ABCB11: variants seen among roughly 807,000 people sequenced by gnomAD.
The protein encoded by ABCB11 is bile salt export pump.
In ABCB11, 95 loss-of-function variants were observed where a neutral mutation model predicts 148.0. The observed-to-expected ratio is 0.64, with a 90% confidence interval of 0.54 to 0.76. The LOEUF (loss-of-function observed/expected upper bound fraction) is 0.76. Among genes scored for constraint, ABCB11 ranks in the 30% least tolerant of loss-of-function variants. The pLI is 0.00. For synonymous variants in ABCB11, 591 were observed against 555.4 expected (o/e 1.06, Z -0.90); for missense variants, 1,523 against 1,617.8 (o/e 0.94, Z 1.01).
At position 168,972,014 on chromosome 2, in the gene ABCB11, T is replaced by C; in HGVS notation, c.1471A>G (p.Ile491Val). The C allele has an allele frequency of 6.2e-7, 1 of 1,612,860 alleles. No homozygotes were observed. Among genetic ancestry groups the C allele is most frequent in the Non-Finnish European group, 8.5e-7 (1 of 1,179,314 alleles). The change falls in exon 14 of 28, where the codon ATT becomes GTT. Residue 491 changes from isoleucine to valine, a missense_variant. Transcript: ENST00000650372. ...CCAATCTGATCTCTAAGCCACTGAA[T>C]GTTAAGAGAGCGAATGTCATGGCCA... ...VDGHDIRSLN[I>V]QWLRDQIGIV... is the part of the protein sequence containing the mutation.
chr2:168,977,692 G>T (rs1464609116), intron 11 of ABCB11, among the ~76,000 whole-genome samples: 1 of 152,156 alleles, frequency 6.6e-6, no homozygotes, highest in Non-Finnish European at 1.5e-5. Context: ...CCAAATGGCT[G>T]GGGAGGCCTC....
chr2:169,029,563 A>G (rs1695799200), intron 1 of ABCB11, among the ~76,000 whole-genome samples: 1 of 152,096 alleles, frequency 6.6e-6, no homozygotes, highest in African/African-American at 2.4e-5. Context: ...CTGATAGGGA[A>G]GGGAAATAAA....
chr2:168,986,413 G>A (rs999924057), intron 9 of ABCB11, 129 bp from the exon 10 acceptor site: 8 of 786,568 alleles, frequency 1.0e-5, no homozygotes, highest in Non-Finnish European at 1.6e-5. Context: ...CAGCTTCAGG[G>A]AGAAAAATCT....
intron 10 of ABCB11, among the ~76,000 whole-genome samples, chr2:168,982,464 G>T (rs1460459117): frequency 1.3e-5 from 2 of 152,050 alleles, no homozygotes; most frequent in Admixed American, 1.3e-4. Flanking sequence ...TTTTATTAAT[G>T]AATTCTGAAA....
intron 1 of ABCB11, among the ~76,000 whole-genome samples, chr2:169,024,788 A>C (rs1695644091): frequency 6.6e-6 from 1 of 152,118 alleles, no homozygotes; most frequent in African/African-American, 2.4e-5. Flanking sequence ...TGACCTTGGC[A>C]GTTTTGAGGA....
rs1397690330 is a variant in ABCB11 at position 168,921,174 on chromosome 2, C to T, written c.*2448G>A. 6.6e-6 allele frequency among the ~76,000 whole-genome samples: 1 copy of T among 152,172 alleles called. No individual in the cohort carries two copies. The highest frequency in any genetic ancestry group is 1.5e-5 in the Non-Finnish European group (1 of 68,034). ...CATTTTTCATAACCAGAATGCATTC[C>T]TTCACCGTCTGCCTCCTGACTTGGC... On this transcript the variant is annotated 3_prime_UTR_variant, in exon 28 of 28. Coordinates refer to ENST00000650372, the MANE Select transcript of ABCB11 (RefSeq NM_003742.4).
Position 168,976,584 on chromosome 2 carries a change from T to G in ABCB11, c.1301A>C (p.Glu434Ala). 6.3e-7 allele frequency: 1 copy of G among 1,581,112 alleles called. No individual in the cohort carries two copies. The highest frequency in any genetic ancestry group is 8.7e-7 in the Non-Finnish European group (1 of 1,153,806). ...NVTFHYPSRP[E>A]VKILNDLNMV... ...GAACAGACCAGCACTCACCTTCACC[T>G]CTGGTCTGGAAGGATAATGGAAGGT... The change falls in exon 12 of 28, where the codon GAG becomes GCG. Residue 434 changes from glutamate to alanine, a missense_variant. By Grantham distance (107) the Glu-to-Ala change is moderately radical. Transcript: ENST00000650372.
intron 2 of ABCB11, among the ~76,000 whole-genome samples, chr2:169,017,619 C>A (rs188222151): frequency 8.6e-5 from 13 of 151,998 alleles, no homozygotes; most frequent in Admixed American, 4.6e-4. Flanking sequence ...AGCTTAGAAC[C>A]ATCTGAGCCC....
downstream of ABCB11, among the ~76,000 whole-genome samples, chr2:168,918,704 G>A (rs932478765): frequency 3.9e-5 from 6 of 152,126 alleles, no homozygotes; most frequent in Admixed American, 3.3e-4. Context: ...TTATAGATTT[G>A]AGATTTTTTC....
intron 5 of ABCB11, among the ~76,000 whole-genome samples, chr2:169,003,323 C>CGTGCGTGTGTGT (rs1694930226): frequency 7.1e-6 from 1 of 141,652 alleles, no homozygotes; most frequent in African/African-American, 2.6e-5. Context: ...TTCCATGGTG[C>CGTGCGTGTGTGT]GTGTGTGTGT....
At position 168,935,365 on chromosome 2, in the gene ABCB11, A is replaced by G; in HGVS notation, c.2875T>C (p.Phe959Leu). ...TVAGIGKERR[F>L]IEALETELEK... ...AGCTCAGTCTCAAGTGCTTCAATGA[A>G]CCGCCTCTCCTTTCCAATTCCAGCA... The change falls in exon 23 of 28, where the codon TTC becomes CTC. Residue 959 changes from phenylalanine to leucine, a missense_variant. By Grantham distance (22) the Phe-to-Leu change is conservative. Transcript: ENST00000650372. 6.2e-7 allele frequency: 1 copy of G among 1,613,978 alleles called. No individual in the cohort carries two copies. The highest frequency in any genetic ancestry group is 1.1e-5 in the South Asian group (1 of 91,084).
chr2:168,935,056 TTAATCCCAGCTATTGTAAGACAC>T, intron 23 of ABCB11, 105 bp downstream of exon 23: 2 of 1,326,492 alleles, frequency 1.5e-6, no homozygotes, highest in African/African-American at 2.9e-5. Flanking sequence ...TGAGAAATAA[TTAATCCCAGCTATTGTAAGACAC>T]CAAGCTTGGG....
Position 168,971,764 on chromosome 2 carries a change from C to A in ABCB11, c.1638+83G>T, listed in dbSNP as rs1360497877. On this transcript the variant is annotated intron_variant, in intron 14 of 27. Coordinates refer to ENST00000650372, the MANE Select transcript of ABCB11 (RefSeq NM_003742.4). Reference sequence around the variant, plus strand: ...AGAATTTAATGACTTGGGAATCATACGAGAAGAAATGTGTATAATTGTGCA... The same window carrying A: ...AGAATTTAATGACTTGGGAATCATAAGAGAAGAAATGTGTATAATTGTGCA... The A allele has an allele frequency of 3.9e-6, 5 of 1,285,438 alleles. No individual in the cohort carries two copies. The Admixed American group carries it at 9.2e-5, about 24-fold the overall frequency. 79.6% of individuals were successfully genotyped at this position (1,285,438 alleles called of 1,614,324 possible).
chr2:168,937,009 A>G (rs2105900252), intron 21 of ABCB11, among the ~76,000 whole-genome samples: 1 of 152,178 alleles, frequency 6.6e-6, no homozygotes, highest in Admixed American at 6.5e-5. Flanking sequence ...CTGCCCCAGC[A>G]TGCTAAGTAG....
chr2:168,937,464 G>A (rs562093671), intron 21 of ABCB11, among the ~76,000 whole-genome samples: 6 of 152,244 alleles, frequency 3.9e-5, no homozygotes, highest in African/African-American at 9.6e-5. Context: ...CTCACATAAC[G>A]TATCTGAAGG....
chr2:168,975,892 A>ATAT (rs61599833), intron 12 of ABCB11, among the ~76,000 whole-genome samples: 86,033 of 150,350 alleles, frequency 0.57, 24,886 homozygotes, highest in East Asian at 0.75. Flanking sequence ...GATAACAGAA[A>ATAT]TATTAAGAGA....
In ABCB11 at chr2:168,930,728, T is replaced by C. The variant is rs757912819; in HGVS notation, c.3348A>G (p.Gly1116=). 3.2e-5 allele frequency: 52 copies of C among 1,604,748 alleles called. No individual in the cohort carries two copies. The highest frequency in any genetic ancestry group is 4.3e-5 in the Non-Finnish European group (51 of 1,173,696). The change falls in exon 25 of 28, where the codon GGA becomes GGG. Residue 1116 remains glycine (G), a synonymous_variant. Transcript: ENST00000650372. ...GQTLAFVGSS[G]CGKSTSIQLL... ...GCTGAATGCTAGTGCTTTTGCCACA[T>C]CCACTGCTCCCAACAAACGCCAGTG...
At chr2:168,938,769 A>G (rs1691939011) in intron 21 of ABCB11, among the ~76,000 whole-genome samples, 1 of 152,094 alleles carries the variant, frequency 6.6e-6, no homozygotes, top group Non-Finnish European at 1.5e-5. Context: ...TTGAAAAGCA[A>G]CTTTGCAGCT....
chr2:169,025,807 G>A (rs1695677748), intron 1 of ABCB11, among the ~76,000 whole-genome samples: 1 of 152,200 alleles, frequency 6.6e-6, no homozygotes, highest in Non-Finnish European at 1.5e-5. Context: ...GAATACATCT[G>A]TAGCTAAACA....
Sources: gnomAD v4.1 joint callset for allele counts (sites outside exome capture counted in the v4.1 genomes callset) on GRCh38, gnomAD v4.1.1 for gene constraint, MANE v1.5 for transcripts, NCBI Gene and HGNC (gene_info 2026-07-23, HGNC 2026-07-21) for gene names.